Variants in PCDHA11 observed in about 807,000 individuals in gnomAD.
PCDHA11 encodes the protein protocadherin alpha 11, also known as protocadherin alpha-11.
In PCDHA11, 61 loss-of-function variants were observed where a neutral mutation model predicts 70.3. The ratio of observed to expected loss-of-function variants is 0.87; its 90% CI spans 0.71 to 1.07. The LOEUF is 1.07. PCDHA11 is among the 50% of genes least tolerant of loss of function. The probability of loss-of-function intolerance (pLI) is 0.00; values close to 1 mark genes in which losing one functional copy is unlikely to be tolerated. For synonymous variants in PCDHA11, 633 were observed against 555.1 expected (o/e 1.14, Z -1.97); for missense variants, 1,324 against 1,237.5 (o/e 1.07, Z -1.05).
intron 1 of PCDHA11, chr5:140,926,588 C>A: frequency 3.4e-6 from 1 of 293,528 alleles, no homozygotes; most frequent in Admixed American, 5.0e-5. Context: ...CTCTCGCGCC[C>A]GGGCGGGCGG....
At chr5:140,971,782 A>G (rs1458049076) in intron 1 of PCDHA11, among the ~76,000 whole-genome samples, 1 of 152,166 alleles carries the variant, frequency 6.6e-6, no homozygotes, top group Non-Finnish European at 1.5e-5. Context: ...ATTCAAGATT[A>G]TTCAATATAT....
chr5:140,942,122 G>A (rs2093234713), intron 1 of PCDHA11, among the ~76,000 whole-genome samples: 1 of 152,064 alleles, frequency 6.6e-6, no homozygotes, highest in Non-Finnish European at 1.5e-5. Flanking sequence ...TTTATTAAAG[G>A]TGATATTTGT....
At chr5:140,909,519 T>C (rs975700982) in intron 1 of PCDHA11, among the ~76,000 whole-genome samples, 4 of 152,214 alleles carry the variant, frequency 2.6e-5, no homozygotes, top group Non-Finnish European at 4.4e-5. Context: ...TCACAACCCC[T>C]GCACATTTTG....
rs1554164982 is a variant in PCDHA11 at position 140,871,020 on chromosome 5, A to C, written c.1917A>C (p.Ala639=). The change falls in exon 1 of 4, where the codon GCA becomes GCC. Residue 639 remains alanine (A), a synonymous_variant. Coordinates refer to ENST00000398640, the MANE Select transcript of PCDHA11 (RefSeq NM_018902.5). The stretch of plus-strand genomic sequence containing the variant: ...GCACAACGCGTGCCCTGGACGAGGC[A>C]GACTCGCCGCGCCACCGACTTCTAG... ...EISTTRALDE[A]DSPRHRLLVL... 6.2e-7 allele frequency: 1 copy of C among 1,613,302 alleles called. No individual in the cohort carries two copies. The highest frequency in any genetic ancestry group is 2.2e-5 in the East Asian group (1 of 44,868).
intron 1 of PCDHA11, among the ~76,000 whole-genome samples, chr5:140,948,711 C>CT (rs1443735728): frequency 6.8e-6 from 1 of 147,398 alleles, no homozygotes; most frequent in African/African-American, 2.7e-5. Context: ...GTTCTATCCT[C>CT]TTTTTTATCA....
intron 1 of PCDHA11, among the ~76,000 whole-genome samples, chr5:140,939,959 G>A (rs1272327380): frequency 6.6e-6 from 1 of 152,150 alleles, no homozygotes; most frequent in Non-Finnish European, 1.5e-5. Flanking sequence ...TTATGTTAAA[G>A]TGTTCCACGA....
chr5:140,939,811 A>G (rs1554212933), intron 1 of PCDHA11, among the ~76,000 whole-genome samples: 1 of 152,224 alleles, frequency 6.6e-6, no homozygotes, highest in African/African-American at 2.4e-5. Context: ...CATGTTCAAG[A>G]AAAAGCAGTA....
chr5:140,869,245 A>G lies in PCDHA11; in HGVS notation c.142A>G (p.Ile48Val). The part of the protein sequence containing the change: ...EAKHGTFVGR[I>V]AQDLGLELAE... ...CAAACACGGCACCTTCGTGGGCCGC[A>G]TCGCGCAGGACCTGGGGCTGGAGCT... is the stretch of plus-strand genomic sequence containing the variant. Residue 48 changes from isoleucine (I) to valine (V), a missense_variant, in exon 1 of 4, where the codon ATC (isoleucine) becomes GTC (valine). Physicochemically the swap from Ile to Val is conservative, Grantham distance 29 (BLOSUM62 3). Coordinates refer to ENST00000398640, the MANE Select transcript of PCDHA11 (RefSeq NM_018902.5). The G allele has an allele frequency of 1.2e-6, 2 of 1,613,628 alleles. No homozygotes were observed. The highest frequency in any genetic ancestry group is 1.7e-6 in the Non-Finnish European group (2 of 1,179,946).
At chr5:140,927,269 C>T in intron 1 of PCDHA11, 1 of 1,614,142 alleles carries the variant, frequency 6.2e-7, no homozygotes, top group Non-Finnish European at 8.5e-7. Context: ...CTCTTTCCTG[C>T]CGGCGACGTG....
At chr5:140,873,494 T>C (rs2153295972) in intron 1 of PCDHA11, among the ~76,000 whole-genome samples, 1 of 152,254 alleles carries the variant, frequency 6.6e-6, no homozygotes, top group South Asian at 2.1e-4. Flanking sequence ...TTCTGCAAAG[T>C]TGTGTCTTTT....
intron 1 of PCDHA11, chr5:140,926,708 C>G (rs1554203635): frequency 2.2e-6 from 2 of 896,142 alleles, no homozygotes; most frequent in South Asian, 5.3e-5. Context: ...CCCAGCTGGC[C>G]AGCCCCGGCA....
chr5:141,007,524 C>T (rs2098334216), intron 3 of PCDHA11, among the ~76,000 whole-genome samples: 1 of 151,984 alleles, frequency 6.6e-6, no homozygotes, highest in African/African-American at 2.4e-5. Context: ...GCTGATATCT[C>T]GCCACTGCAC....
At chr5:140,892,758 A>G (rs936927643) in intron 1 of PCDHA11, among the ~76,000 whole-genome samples, 2 of 152,210 alleles carry the variant, frequency 1.3e-5, no homozygotes, top group Non-Finnish European at 2.9e-5. Flanking sequence ...AACATTTAAA[A>G]TCCACTCTTC....
intron 1 of PCDHA11, among the ~76,000 whole-genome samples, chr5:140,923,952 C>T (rs1313695833): frequency 5.9e-5 from 9 of 152,178 alleles, no homozygotes; most frequent in Non-Finnish European, 1.0e-4. Context: ...TTTCCTCACG[C>T]CCTAATCTAT....
intron 1 of PCDHA11, among the ~76,000 whole-genome samples, chr5:140,878,711 G>A (rs944193090): frequency 6.6e-5 from 10 of 152,156 alleles, no homozygotes; most frequent in East Asian, 1.9e-4. Context: ...GGTAGTAAAG[G>A]CATTAAAATT....
At chr5:140,873,454 T>C (rs1251903132) in intron 1 of PCDHA11, among the ~76,000 whole-genome samples, 1 of 152,170 alleles carries the variant, frequency 6.6e-6, no homozygotes, top group African/African-American at 2.4e-5. Context: ...CAAATTTGCA[T>C]TTTAGATAAT....
chr5:140,969,554 T>C (rs2096342030), intron 1 of PCDHA11: 12 of 1,222,074 alleles, frequency 9.8e-6, no homozygotes, highest in Non-Finnish European at 1.3e-5. Context: ...TGAAGCCTTG[T>C]CCATAAAATT....
At chr5:140,889,456 T>A (rs1328565593) in intron 1 of PCDHA11, among the ~76,000 whole-genome samples, 1 of 152,126 alleles carries the variant, frequency 6.6e-6, no homozygotes, top group Admixed American at 6.5e-5. Flanking sequence ...TTAATCTAAA[T>A]TTTCAGTTAT....
At chr5:140,938,204 C>T (rs2091973590) in intron 1 of PCDHA11, among the ~76,000 whole-genome samples, 1 of 152,136 alleles carries the variant, frequency 6.6e-6, no homozygotes, top group East Asian at 1.9e-4. Flanking sequence ...CGCCAGCCTC[C>T]CAAAGTGCTG....
Sources: allele counts gnomAD v4.1 joint callset (sites outside exome capture counted in the v4.1 genomes callset), GRCh38; gene constraint gnomAD v4.1.1; transcripts MANE v1.5; gene names NCBI Gene and HGNC (gene_info 2026-07-23, HGNC 2026-07-21).